Variants in WDR41 observed in about 807,000 individuals in gnomAD.
WDR41 encodes the protein WD repeat domain 41, also known as WD repeat-containing protein 41.
WDR41 carries 63 observed loss-of-function variants against 69.3 expected under a neutral mutation model. The ratio of observed to expected loss-of-function variants is 0.91; its 90% CI spans 0.74 to 1.12. The LOEUF is 1.12. Among genes scored for constraint, WDR41 ranks in the 50% most tolerant of loss-of-function variants. The pLI, the probability that WDR41 is intolerant of heterozygous loss-of-function variation, is 0.00. For missense variants in WDR41, 543 were observed against 534.5 expected, an observed-to-expected ratio of 1.02 and a Z score of -0.16; for synonymous variants, 185 against 192.1, an observed-to-expected ratio of 0.96 and a Z score of 0.31.
chr5:77,513,725 CA>C (rs1430537481), intron 1 of WDR41, among the ~76,000 whole-genome samples: 2 of 152,108 alleles, frequency 1.3e-5, no homozygotes, highest in African/African-American at 4.8e-5. Flanking sequence ...TAATCATTTC[CA>C]CATAGTATTT....
At chr5:77,536,720 T>C (rs1742990285) in intron 1 of WDR41, among the ~76,000 whole-genome samples, 1 of 152,206 alleles carries the variant, frequency 6.6e-6, no homozygotes, top group Non-Finnish European at 1.5e-5. Context: ...AGTCACTTGC[T>C]GTACAGGTGT....
chr5:77,546,156 G>A, intron 1 of WDR41: 1 of 471,646 alleles, frequency 2.1e-6, no homozygotes, highest in East Asian at 3.5e-5. Flanking sequence ...CCTCTGGAAG[G>A]AGACTGTATT....
At chr5:77,605,736 C>T (rs1448177534) in intron 1 of WDR41, among the ~76,000 whole-genome samples, 1 of 152,072 alleles carries the variant, frequency 6.6e-6, no homozygotes. Flanking sequence ...GGTTCCTGCC[C>T]ATTTTCTAAG....
At chr5:77,439,650 C>T (rs189015960) in intron 9 of WDR41, among the ~76,000 whole-genome samples, 91 of 152,224 alleles carry the variant, frequency 6.0e-4, no homozygotes, top group African/African-American at 2.2e-3. Context: ...ATGCTATCCC[C>T]GCTATCAATA....
chr5:77,490,263 C>T (rs1448953572), intron 1 of WDR41, among the ~76,000 whole-genome samples: 1 of 152,096 alleles, frequency 6.6e-6, no homozygotes, highest in Non-Finnish European at 1.5e-5. Flanking sequence ...CGCGCCCAGC[C>T]CAGATAATTC....
chr5:77,583,110 A>G (rs1743971328), intron 1 of WDR41: 17 of 1,513,878 alleles, frequency 1.1e-5, no homozygotes, highest in South Asian at 1.0e-4. Context: ...GGCTTACTAG[A>G]AGAATGAACT....
At chr5:77,537,128 A>G (rs1743002172) in intron 1 of WDR41, among the ~76,000 whole-genome samples, 1 of 152,240 alleles carries the variant, frequency 6.6e-6, no homozygotes, top group Non-Finnish European at 1.5e-5. Flanking sequence ...GGTGCATTCC[A>G]AGGGAATACT....
chr5:77,554,877 G>A (rs1221815184), intron 1 of WDR41, among the ~76,000 whole-genome samples: 1 of 151,930 alleles, frequency 6.6e-6, no homozygotes, highest in Non-Finnish European at 1.5e-5. Context: ...CCAGCACTTT[G>A]GGAGGCTGAG....
At position 77,548,661 on chromosome 5, in the gene WDR41, C is replaced by T. The variant is rs150308904; in HGVS notation, c.43-59089G>A. ...TGGCATGGATGCTGTGAACAGGGAA[C>T]ATTTCTATGCTGCTGGTGGGAATGT... On this transcript the variant is annotated intron_variant, in intron 1 of 5. Coordinates refer to the WDR41 transcript ENST00000509971. Among the ~76,000 whole-genome samples, 641 of 152,314 alleles carry T rather than the reference C, an allele frequency of 4.2e-3. 11 individuals are homozygous for T. The highest frequency in any genetic ancestry group is 0.024 in the Admixed American group (373 of 15,294).
chr5:77,607,735 G>T (rs1023739205), intron 1 of WDR41, among the ~76,000 whole-genome samples: 1 of 152,196 alleles, frequency 6.6e-6, no homozygotes, highest in African/African-American at 2.4e-5. Context: ...ACACATACAT[G>T]TGGAAAATAT....
chr5:77,436,408 C>A lies in WDR41; in HGVS notation c.1094-14G>T, dbSNP rs768780554. The A allele has an allele frequency of 8.7e-6, 14 of 1,613,210 alleles. No homozygotes were observed. The highest frequency in any genetic ancestry group is 1.1e-5 in the South Asian group (1 of 91,000). On this transcript the variant is annotated splice_polypyrimidine_tract_variant and intron_variant, in intron 11 of 12. Coordinates refer to ENST00000296679, the MANE Select transcript of WDR41 (RefSeq NM_018268.4). The stretch of plus-strand genomic sequence containing the variant: ...TGTTAAAAAAACCTAGAAAAAGAAT[C>A]ATTTCCAAAATTACTGTGCTCTGTA...
chr5:77,435,478 T>C (rs1293200585), intron 12 of WDR41, among the ~76,000 whole-genome samples: 1 of 152,240 alleles, frequency 6.6e-6, no homozygotes, highest in Non-Finnish European at 1.5e-5. Context: ...AGCCAGTGTT[T>C]AGCACAGTGC....
chr5:77,489,666 T>C lies in WDR41; in HGVS notation c.52-94A>G, dbSNP rs74927661. ...CATATTGGAATATAACTCCATGGTA[T>C]ACATCTGAGAACACAAGATTTTAAA... On this transcript the variant is annotated intron_variant, in intron 1 of 12. Transcript: ENST00000296679. The C allele has an allele frequency of 5.5e-3, 3,727 of 676,132 alleles. 116 individuals carry two copies. The highest frequency in any genetic ancestry group is 0.052 in the Admixed American group (1,943 of 37,606). The allele number at this position is 676,132 out of a possible 1,614,324, so 41.9% of individuals were successfully genotyped here.
In WDR41 at chr5:77,433,027, T is replaced by C; in HGVS notation, c.*108A>G. 7.7e-7 allele frequency: 1 copy of C among 1,299,156 alleles called. No individual in the cohort carries two copies. 80.5% of individuals were successfully genotyped at this position (1,299,156 alleles called of 1,614,324 possible). A position where few individuals can be genotyped will look rare whatever the true frequency, so the allele number is the denominator to read the frequency against. ...TTTAAACATGTAGAATTTTATGGAC[T>C]GACAAAAAAAATTACCAATTTAAGT... On this transcript the variant is annotated 3_prime_UTR_variant, in exon 13 of 13. Coordinates refer to ENST00000296679, the MANE Select transcript of WDR41 (RefSeq NM_018268.4).
chr5:77,514,689 G>T (rs1802267798), intron 1 of WDR41, among the ~76,000 whole-genome samples: 1 of 152,154 alleles, frequency 6.6e-6, no homozygotes, highest in African/African-American at 2.4e-5. Context: ...TTGTGCCATT[G>T]TAGAGGGTAC....
chr5:77,470,354 G>A (rs1038824063), intron 2 of WDR41, among the ~76,000 whole-genome samples: 4 of 152,132 alleles, frequency 2.6e-5, no homozygotes, highest in Non-Finnish European at 5.9e-5. Flanking sequence ...TCGAGGCTAG[G>A]AAGAAACTGC....
chr5:77,604,827 T>C lies in WDR41; in HGVS notation c.42+15652A>G, dbSNP rs1744387208. Among the ~76,000 whole-genome samples the C allele has an allele frequency of 3.9e-5, 6 of 152,306 alleles. No homozygotes were observed. The South Asian group carries it at 1.0e-3, about 26-fold the overall frequency. On this transcript the variant is annotated intron_variant, in intron 1 of 5. Transcript: ENST00000509971. ...TTAAAAAAAATGAGAAAGCTCTTTA[T>C]GTACTGAGGTAGAAATCTCTCCAAT...
intron 1 of WDR41, among the ~76,000 whole-genome samples, chr5:77,611,565 A>G (rs1490520521): frequency 3.3e-5 from 5 of 152,270 alleles, no homozygotes; most frequent in Admixed American, 6.5e-5. Flanking sequence ...TACTGGGTAC[A>G]TAACGAAATG....
chr5:77,618,949 G>T (rs1365921599), intron 1 of WDR41, among the ~76,000 whole-genome samples: 1 of 152,142 alleles, frequency 6.6e-6, no homozygotes, highest in Non-Finnish European at 1.5e-5. Flanking sequence ...TGACAATTTG[G>T]TCTATAATTT....
Sources: gnomAD v4.1 joint callset for allele counts (sites outside exome capture counted in the v4.1 genomes callset) on GRCh38, gnomAD v4.1.1 for gene constraint, MANE v1.5 for transcripts, NCBI Gene and HGNC (gene_info 2026-07-23, HGNC 2026-07-21) for gene names.